Variants in DACH1 observed in about 807,000 individuals in gnomAD.
DACH1 encodes the protein dachshund family transcription factor 1, also known as dachshund homolog 1.
In DACH1, 12 loss-of-function variants were observed where a neutral mutation model predicts 54.2. The observed-to-expected ratio is 0.22, with a 90% CI of 0.14 to 0.36. The LOEUF (loss-of-function observed/expected upper bound fraction) is 0.36, where lower values mean the gene tolerates loss of function less well. Ranked by LOEUF, DACH1 falls within the 10% of genes least tolerant of loss-of-function variation. The pLI is 1.00. For missense variants in DACH1, 805 were observed against 929.8 expected (o/e 0.87, Z 1.75); for synonymous variants, 386 against 366.2 (o/e 1.05, Z -0.62).
chr13:71,832,943 A>G (rs140681799), intron 1 of DACH1, among the ~76,000 whole-genome samples: 1,622 of 151,872 alleles, frequency 0.011, 20 homozygotes, highest in Non-Finnish European at 0.018. Flanking sequence ...GAAGACAATT[A>G]AGTAAAACAA....
chr13:71,810,809 A>G (rs1482342041), intron 1 of DACH1, among the ~76,000 whole-genome samples: 2 of 152,150 alleles, frequency 1.3e-5, no homozygotes, highest in Non-Finnish European at 2.9e-5. Context: ...AAATAAATGA[A>G]CAAGTAGATT....
intron 10 of DACH1, 28 bp downstream of exon 10, chr13:71,475,113 A>G (rs1566281152): frequency 6.2e-7 from 1 of 1,604,862 alleles, no homozygotes; most frequent in Admixed American, 1.7e-5. Flanking sequence ...AGCAAGATCT[A>G]GATTTATAGC....
intron 1 of DACH1, among the ~76,000 whole-genome samples, chr13:71,718,436 A>C (rs950420451): frequency 3.3e-5 from 5 of 151,900 alleles, no homozygotes; most frequent in Non-Finnish European, 7.4e-5. Flanking sequence ...AATTAAAACA[A>C]AATTAGCTGG....
At chr13:71,442,045 C>T (rs937192518) in intron 10 of DACH1, among the ~76,000 whole-genome samples, 1 of 152,040 alleles carries the variant, frequency 6.6e-6, no homozygotes, top group Admixed American at 6.6e-5. Context: ...GTGTTACAAA[C>T]AATCCAGTCT....
At chr13:71,602,942 T>G (rs1055080432) in intron 3 of DACH1, among the ~76,000 whole-genome samples, 1 of 152,016 alleles carries the variant, frequency 6.6e-6, no homozygotes, top group Non-Finnish European at 1.5e-5. Context: ...GTTTCTGTGA[T>G]GCCAACATAA....
At chr13:71,739,395 A>G (rs1884288731) in intron 1 of DACH1, among the ~76,000 whole-genome samples, 1 of 152,216 alleles carries the variant, frequency 6.6e-6, no homozygotes, top group Non-Finnish European at 1.5e-5. Context: ...ACCCCATATA[A>G]AATTGTAAGC....
intron 1 of DACH1, among the ~76,000 whole-genome samples, chr13:71,733,297 G>A (rs1378614355): frequency 6.6e-6 from 1 of 152,028 alleles, no homozygotes; most frequent in African/African-American, 2.4e-5. Context: ...GAGTAGCTGG[G>A]ACTACAGGTG....
At chr13:71,477,115 T>A (rs1411755623) in intron 8 of DACH1, among the ~76,000 whole-genome samples, 186 of 108,292 alleles carry the variant, frequency 1.7e-3, no homozygotes, top group African/African-American at 6.5e-3. Flanking sequence ...TTTTTTTTTT[T>A]TTTTTTTTTT....
At chr13:71,516,971 A>C (rs1032034321) in intron 6 of DACH1, among the ~76,000 whole-genome samples, 2 of 151,420 alleles carry the variant, frequency 1.3e-5, no homozygotes, top group Non-Finnish European at 2.9e-5. Context: ...AGCCATTATA[A>C]ATACATGAGT....
chr13:71,522,981 G>A (rs1881711154), intron 6 of DACH1, among the ~76,000 whole-genome samples: 1 of 152,084 alleles, frequency 6.6e-6, no homozygotes, highest in Non-Finnish European at 1.5e-5. Flanking sequence ...TGGCAAGAAT[G>A]CATATGTTTA....
chr13:71,666,309 A>G (rs1879829794), intron 2 of DACH1, among the ~76,000 whole-genome samples: 2 of 152,152 alleles, frequency 1.3e-5, no homozygotes, highest in Admixed American at 6.5e-5. Flanking sequence ...GAGATGTGAG[A>G]AGTACTATGT....
chr13:71,732,455 G>A (rs997705956), intron 1 of DACH1, among the ~76,000 whole-genome samples: 24 of 151,776 alleles, frequency 1.6e-4, no homozygotes, highest in African/African-American at 5.6e-4. Context: ...TGTGGTGGTC[G>A]GTACCTGTAA....
rs1368011779 is a variant in DACH1, at chr13:71,577,646, C to T, written c.1127-4634G>A. ...CCACAGGAAAAATTGTATTTAATAT[C>T]CTGTTACATAAACATACACAAGAAA... On this transcript the variant is annotated intron_variant, in intron 3 of 10. Coordinates refer to ENST00000613252, the MANE Select transcript of DACH1 (RefSeq NM_080759.6). Among the ~76,000 whole-genome samples the T allele has an allele frequency of 2.0e-5, 3 of 152,022 alleles. No individual in the cohort carries two copies. The East Asian group carries it at 5.8e-4, about 29-fold the overall frequency.
At chr13:71,501,219 G>T (rs1029476677) in intron 6 of DACH1, among the ~76,000 whole-genome samples, 1 of 152,156 alleles carries the variant, frequency 6.6e-6, no homozygotes, top group African/African-American at 2.4e-5. Flanking sequence ...GACCTCCTGA[G>T]ACTGTGTAAC....
At chr13:71,485,634 G>C (rs150484933) in intron 7 of DACH1, among the ~76,000 whole-genome samples, 14,742 of 133,722 alleles carry the variant, frequency 0.11, 1,379 homozygotes, top group East Asian at 0.42. Context: ...CGCCAGGCTG[G>C]AGTGCAGTGG....
chr13:71,824,114 T>TA (rs1888293802), intron 1 of DACH1, among the ~76,000 whole-genome samples: 1 of 151,940 alleles, frequency 6.6e-6, no homozygotes, highest in African/African-American at 2.4e-5. Context: ...GAATATGTGT[T>TA]ACCTACGTTG....
intron 10 of DACH1, among the ~76,000 whole-genome samples, chr13:71,444,511 T>A (rs117279881): frequency 6.6e-6 from 1 of 152,276 alleles, no homozygotes; most frequent in East Asian, 1.9e-4. Context: ...AAGTCCTTCA[T>A]AAACTTTATA....
At chr13:71,773,467 C>G (rs1885942081) in intron 1 of DACH1, among the ~76,000 whole-genome samples, 1 of 151,844 alleles carries the variant, frequency 6.6e-6, no homozygotes, top group Non-Finnish European at 1.5e-5. Flanking sequence ...TATTTTAACT[C>G]AAAACTAAAC....
intron 2 of DACH1, among the ~76,000 whole-genome samples, chr13:71,664,302 T>TA (rs1391143039): frequency 6.6e-6 from 1 of 151,958 alleles, no homozygotes; most frequent in Non-Finnish European, 1.5e-5. Context: ...CAATACAAAA[T>TA]AAAAATGCTA....
Sources: gnomAD v4.1 joint callset for allele counts (sites outside exome capture counted in the v4.1 genomes callset) on GRCh38, gnomAD v4.1.1 for gene constraint, MANE v1.5 for transcripts, NCBI Gene and HGNC (gene_info 2026-07-23, HGNC 2026-07-21) for gene names.